Variants in NEDD9 observed in about 807,000 individuals in gnomAD.
NEDD9 encodes neural precursor cell expressed, developmentally down-regulated 9, also known as enhancer of filamentation 1.
NEDD9 carries 26 observed loss-of-function variants against 76.6 expected under a neutral mutation model. The ratio of observed to expected loss-of-function variants is 0.34; its 90% CI spans 0.25 to 0.47. NEDD9 has a LOEUF of 0.47. Ranked by LOEUF, NEDD9 falls within the 20% of genes least tolerant of loss-of-function variation. The pLI is 1.00. For synonymous variants in NEDD9, 392 were observed against 414.2 expected (o/e 0.95, Z 0.65); for missense variants, 937 against 1,058.5 (o/e 0.89, Z 1.59).
chr6:11,190,478 T>G lies in NEDD9; in HGVS notation c.1391A>C (p.His464Pro), dbSNP rs1276112468. Residue 464 changes from histidine to proline, a missense_variant, in exon 5 of 7, where the codon CAC (histidine) becomes CCC (proline). Coordinates refer to ENST00000379446, the MANE Select transcript of NEDD9 (RefSeq NM_006403.4). This position sits in a 1 kb window ranked among gnomAD's most constrained non-coding sequence, Gnocchi z 5.8. ...KVELFLKEYL[H>P]FVKGAVANAA... is the part of the protein sequence containing the mutation. ...ATTTGCAACAGCTCCCTTGACAAAG[T>G]GGAGGTACTCCTTCAGGAACAGCTC... is the stretch of plus-strand genomic sequence containing the variant. 1 of 1,614,194 alleles carries G rather than the reference T, an allele frequency of 6.2e-7. No homozygotes were observed. The highest frequency in any genetic ancestry group is 1.7e-5 in the Admixed American group (1 of 60,032).
intron 1 of NEDD9, chr6:11,334,682 T>C (rs1450485968): frequency 6.6e-6 from 1 of 152,274 alleles, no homozygotes; most frequent in African/African-American, 2.4e-5. Context: ...TTAATGGGCA[T>C]TTCTCGCTTT....
chr6:11,275,295 A>C (rs2113348496), intron 3 of NEDD9, among the ~76,000 whole-genome samples: 1 of 152,288 alleles, frequency 6.6e-6, no homozygotes, highest in Admixed American at 6.5e-5. Flanking sequence ...AGGATACAAA[A>C]TTTCAGTTAG....
chr6:11,313,442 T>C (rs1293462134), intron 2 of NEDD9, among the ~76,000 whole-genome samples: 1 of 128,114 alleles, frequency 7.8e-6, no homozygotes, highest in Non-Finnish European at 1.7e-5. Context: ...GGTGGGTGGA[T>C]GAATGGAATG....
chr6:11,232,472 T>C (rs756944049), intron 1 of NEDD9, 32 bp downstream of exon 1: 6 of 1,614,174 alleles, frequency 3.7e-6, no homozygotes, highest in South Asian at 1.1e-5. Flanking sequence ...GCTTTCAGCT[T>C]GCAAGGTAAC....
intron 2 of NEDD9, among the ~76,000 whole-genome samples, chr6:11,319,532 TAACATGCGGACA>T (rs200253288): frequency 6.2e-4 from 60 of 96,672 alleles, no homozygotes; most frequent in African/African-American, 1.2e-3. Flanking sequence ...ACACTCACAC[TAACATGCGGACA>T]CACACTAACA....
chr6:11,332,186 T>G (rs759109509), intron 2 of NEDD9, among the ~76,000 whole-genome samples: 3 of 152,226 alleles, frequency 2.0e-5, no homozygotes, highest in East Asian at 1.9e-4. Flanking sequence ...GAAATGTCCT[T>G]GATCTTTTTG....
At chr6:11,211,213 C>T (rs1051521634) in intron 2 of NEDD9, among the ~76,000 whole-genome samples, 1 of 152,188 alleles carries the variant, frequency 6.6e-6, no homozygotes, top group African/African-American at 2.4e-5. Flanking sequence ...GCACCCCAGC[C>T]CTTTGACATC....
chr6:11,344,578 C>T (rs1201040275), intron 1 of NEDD9, among the ~76,000 whole-genome samples: 1 of 152,324 alleles, frequency 6.6e-6, no homozygotes, highest in East Asian at 1.9e-4. Context: ...GACCTCAATG[C>T]CACCTCCTTC....
intron 1 of NEDD9, among the ~76,000 whole-genome samples, chr6:11,340,881 T>C (rs1177706906): frequency 1.3e-5 from 2 of 152,198 alleles, no homozygotes; most frequent in Admixed American, 1.3e-4. Flanking sequence ...AGAGTGCAGA[T>C]AATGGCCTAT....
At chr6:11,282,315 C>G (rs979572771) in intron 3 of NEDD9, among the ~76,000 whole-genome samples, 1 of 152,350 alleles carries the variant, frequency 6.6e-6, no homozygotes, top group East Asian at 1.9e-4. Flanking sequence ...TCCGACAACC[C>G]TGGCTGTTCC....
rs1381245952 is a variant in NEDD9, at chr6:11,213,522, C to A, written c.218G>T (p.Ser73Ile). 3.1e-6 allele frequency: 5 copies of A among 1,614,070 alleles called. No homozygotes were observed. The highest frequency in any genetic ancestry group is 3.4e-6 in the Non-Finnish European group (4 of 1,180,048). Residue 73 changes from serine (S) to isoleucine (I), a missense_variant, in exon 2 of 7, where the codon AGT becomes ATT. Transcript: ENST00000379446. The surrounding 1 kb of genome is among the most constrained non-coding windows in gnomAD (Gnocchi z 5.4). ...CAGTCCAGAGGCAGGCTGCTCGTGA[C>A]TGGAGGCAGTCTCCTGCATGGGACC... ...LIGPMQETASSHEQPASGLMQ... is the reference protein window; with the variant it reads ...LIGPMQETASIHEQPASGLMQ...
chr6:11,217,503 G>A (rs1326995520), intron 1 of NEDD9, among the ~76,000 whole-genome samples: 1 of 152,204 alleles, frequency 6.6e-6, no homozygotes, highest in South Asian at 2.1e-4. Context: ...CACTTGGATG[G>A]TTAGTCTCCA....
At chr6:11,279,423 C>T (rs2113355110) in intron 3 of NEDD9, among the ~76,000 whole-genome samples, 1 of 152,324 alleles carries the variant, frequency 6.6e-6, no homozygotes, top group African/African-American at 2.4e-5. Flanking sequence ...ACGATGCCAG[C>T]GGCGCGTTCT....
chr6:11,302,175 A>G (rs192101937), intron 3 of NEDD9, among the ~76,000 whole-genome samples: 2,651 of 152,310 alleles, frequency 0.017, 87 homozygotes, highest in African/African-American at 0.059. Flanking sequence ...AAAAAATGAT[A>G]AAGGGGATAT....
chr6:11,376,908 T>C (rs549115956), intron 1 of NEDD9, among the ~76,000 whole-genome samples: 1 of 152,216 alleles, frequency 6.6e-6, no homozygotes, highest in Non-Finnish European at 1.5e-5. Context: ...CCCAGGGCCC[T>C]ACTGCCCTGC....
chr6:11,241,092 T>C lies in NEDD9; in HGVS notation c.13-27365A>G, dbSNP rs1274975808. 6.6e-6 allele frequency among the ~76,000 whole-genome samples: 1 copy of C among 152,198 alleles called. No individual in the cohort carries two copies. The highest frequency in any genetic ancestry group is 1.9e-4 in the East Asian group (1 of 5,200). On this transcript the variant is annotated intron_variant, in intron 3 of 3. Transcript: ENST00000397378. This position sits in a 1 kb window ranked among gnomAD's most constrained non-coding sequence, Gnocchi z 4.0. ...GCTGATAGAAACTTCACACTGTGGA[T>C]TTTTACAAAGGTTGAAGTGATCTGC... is the stretch of plus-strand genomic sequence containing the variant.
chr6:11,290,470 A>G (rs568576223), intron 3 of NEDD9, among the ~76,000 whole-genome samples: 1 of 152,342 alleles, frequency 6.6e-6, no homozygotes. Flanking sequence ...TTAGGAGCCA[A>G]GAAGCATTTC....
rs141832866 is a variant in NEDD9 at position 11,190,154 on chromosome 6, C to T, written c.1715G>A (p.Ser572Asn). 4 of 1,614,022 alleles carry T rather than the reference C, an allele frequency of 2.5e-6. No individual in the cohort carries two copies. In the African/African-American group the frequency reaches 5.3e-5, roughly 22 times the overall value. The change falls in exon 5 of 7, where the codon AGC (serine) becomes AAC (asparagine). Residue 572 changes from serine to asparagine, a missense_variant. Physicochemically the swap from Ser to Asn is conservative, Grantham distance 46 (BLOSUM62 1). Coordinates refer to ENST00000379446, the MANE Select transcript of NEDD9 (RefSeq NM_006403.4). The surrounding 1 kb of genome is among the most constrained non-coding windows in gnomAD (Gnocchi z 5.8). ...GSLHLKNGPE[S>N]IMNSTEYPHG... is the part of the protein sequence containing the mutation. ...TGGGTACTCCGTTGAGTTCATGATGCTCTCCGGCCCATTCTTCAGATGCAA... is the reference window on the plus strand; with the variant it reads ...TGGGTACTCCGTTGAGTTCATGATGTTCTCCGGCCCATTCTTCAGATGCAA...
At chr6:11,332,785 T>C (rs890134163) in intron 2 of NEDD9, among the ~76,000 whole-genome samples, 1 of 152,130 alleles carries the variant, frequency 6.6e-6, no homozygotes, top group Non-Finnish European at 1.5e-5. Context: ...CAGGCACAAG[T>C]GGAGCAGAGG....
Sources: allele counts gnomAD v4.1 joint callset (sites outside exome capture counted in the v4.1 genomes callset), GRCh38; gene constraint gnomAD v4.1.1; non-coding constraint Gnocchi (gnomAD v3.1); transcripts MANE v1.5; gene names NCBI Gene and HGNC (gene_info 2026-07-23, HGNC 2026-07-21).